Variants in COL14A1 observed in about 807,000 individuals in gnomAD.
COL14A1 encodes the protein collagen type XIV alpha 1 chain.
COL14A1 carries 136 observed loss-of-function variants against 230.3 expected under a neutral mutation model. That is an observed-to-expected ratio of 0.59 (90% CI 0.51 to 0.68). COL14A1 has a LOEUF of 0.68. Among genes scored for constraint, COL14A1 ranks in the 30% least tolerant of loss-of-function variants. COL14A1 has a pLI of 0.00. For synonymous variants in COL14A1, 792 were observed against 784.1 expected (o/e 1.01, Z -0.17); for missense variants, 1,976 against 2,215.8 (o/e 0.89, Z 2.17).
chr8:120,186,470 C>G (rs2130662402), intron 5 of COL14A1, among the ~76,000 whole-genome samples: 1 of 152,318 alleles, frequency 6.6e-6, no homozygotes, highest in East Asian at 1.9e-4. Context: ...TTCAAAGCCC[C>G]TAAATGAATC....
At chr8:120,162,212 A>G (rs1390081981) in intron 3 of COL14A1, among the ~76,000 whole-genome samples, 4 of 152,216 alleles carry the variant, frequency 2.6e-5, no homozygotes, top group African/African-American at 7.2e-5. Flanking sequence ...CATATATACC[A>G]TTGTATGTAT....
At position 120,369,483 on chromosome 8, in the gene COL14A1, G is replaced by T. The variant is rs1443343865; in HGVS notation, c.5309G>T (p.Arg1770Ile). 1 of 1,557,268 alleles carries T rather than the reference G, an allele frequency of 6.4e-7. No individual in the cohort carries two copies. Among genetic ancestry groups the T allele is most frequent in the African/African-American group, 1.4e-5 (1 of 72,670 alleles). The change falls in exon 47 of 48, where the codon AGA becomes ATA. Residue 1770 changes from arginine to isoleucine, a missense_variant and splice_region_variant. Physicochemically the swap from Arg to Ile is moderately conservative, Grantham distance 97. This residue lies in a region of COL14A1 where 1,791 missense variants were observed against 2,019.5 expected (regional missense o/e 0.89). Coordinates refer to ENST00000297848, the MANE Select transcript of COL14A1 (RefSeq NM_021110.4). ...DPSSCSAYGV[R>I]APHPDQPEFT... ...TCATCATGTTCTGCCTATGGTGTGAGAGGTAAGTGTCACAAAAAGCCCCGC... is the reference window on the plus strand; with the variant it reads ...TCATCATGTTCTGCCTATGGTGTGATAGGTAAGTGTCACAAAAAGCCCCGC...
intron 1 of COL14A1, among the ~76,000 whole-genome samples, chr8:120,142,009 A>G (rs550996421): frequency 2.0e-5 from 3 of 152,296 alleles, no homozygotes; most frequent in Admixed American, 2.0e-4. Context: ...CTAGGATTAC[A>G]GGTGTGAGCT....
At chr8:120,348,241 A>AT (rs1822596171) in intron 45 of COL14A1, among the ~76,000 whole-genome samples, 1 of 148,688 alleles carries the variant, frequency 6.7e-6, no homozygotes, top group Non-Finnish European at 1.5e-5. Context: ...AAGCATATAT[A>AT]TATGTATATA....
chr8:120,228,624 G>A, intron 17 of COL14A1, 86 bp from the exon 18 acceptor site: 1 of 1,005,966 alleles, frequency 9.9e-7, no homozygotes, highest in South Asian at 1.3e-5. Flanking sequence ...GATAATATAG[G>A]TGAAATGTTC....
At chr8:120,159,439 T>C (rs962822151) in intron 3 of COL14A1, among the ~76,000 whole-genome samples, 6 of 152,096 alleles carry the variant, frequency 3.9e-5, no homozygotes, top group African/African-American at 1.4e-4. Flanking sequence ...AATACATATT[T>C]GTATAATATA....
At chr8:120,335,368 A>T (rs966991511) in intron 42 of COL14A1, among the ~76,000 whole-genome samples, 5 of 152,222 alleles carry the variant, frequency 3.3e-5, no homozygotes, top group African/African-American at 1.2e-4. Flanking sequence ...CCCTTGTGCC[A>T]TTGGTGCTTT....
chr8:120,326,572 G>T (rs749281183), intron 40 of COL14A1, among the ~76,000 whole-genome samples: 7 of 152,184 alleles, frequency 4.6e-5, no homozygotes, highest in Non-Finnish European at 7.4e-5. Flanking sequence ...AAAATGTGAA[G>T]ATCTTTAATT....
chr8:120,322,309 G>T (rs1289183737), intron 40 of COL14A1, among the ~76,000 whole-genome samples: 1 of 152,154 alleles, frequency 6.6e-6, no homozygotes, highest in African/African-American at 2.4e-5. Context: ...GATAGGTGCA[G>T]CAAACCACCA....
chr8:120,322,988 A>G (rs1821512073), intron 40 of COL14A1, among the ~76,000 whole-genome samples: 2 of 152,240 alleles, frequency 1.3e-5, no homozygotes, highest in South Asian at 4.1e-4. Context: ...ACTGCCTTCC[A>G]CAATGGTTGA....
intron 5 of COL14A1, among the ~76,000 whole-genome samples, chr8:120,178,159 C>T (rs1207257176): frequency 4.6e-5 from 7 of 152,024 alleles, no homozygotes; most frequent in South Asian, 2.1e-4. Context: ...TAGGTATACA[C>T]GTGGCATGGT....
chr8:120,298,617 A>ATATATATATG (rs1402046718), intron 35 of COL14A1, among the ~76,000 whole-genome samples: 1 of 115,354 alleles, frequency 8.7e-6, no homozygotes, highest in Non-Finnish European at 1.8e-5. Flanking sequence ...ATATATATAT[A>ATATATATATG]TATATATATA....
chr8:120,208,474 A>G (rs1387493773), intron 11 of COL14A1, 113 bp downstream of exon 11: 18 of 1,173,084 alleles, frequency 1.5e-5, no homozygotes, highest in African/African-American at 4.5e-5. Context: ...ATCGAATTCA[A>G]TCAAATTCAT....
chr8:120,201,688 C>T (rs926924348), intron 8 of COL14A1, among the ~76,000 whole-genome samples: 1 of 152,072 alleles, frequency 6.6e-6, no homozygotes, highest in Non-Finnish European at 1.5e-5. Context: ...AAACTTTAGA[C>T]CCTGTCCTAG....
intron 19 of COL14A1, among the ~76,000 whole-genome samples, chr8:120,235,649 C>T (rs532487726): frequency 2.6e-5 from 4 of 152,140 alleles, no homozygotes; most frequent in East Asian, 1.9e-4. Flanking sequence ...TATTTCTTGT[C>T]TTCTGCTAGC....
At chr8:120,137,570 C>T (rs1814755768) in intron 1 of COL14A1, among the ~76,000 whole-genome samples, 1 of 151,986 alleles carries the variant, frequency 6.6e-6, no homozygotes, top group South Asian at 2.1e-4. Context: ...AATCTTTCTT[C>T]TTTTTTATAT....
rs1034892501 is a variant in COL14A1 at position 120,167,200 on chromosome 8, A to G, written c.350-961A>G. 6.6e-5 allele frequency among the ~76,000 whole-genome samples: 10 copies of G among 152,246 alleles called. No homozygotes were observed. In the South Asian group the frequency reaches 1.9e-3, roughly 29 times the overall value. On this transcript the variant is annotated intron_variant, in intron 4 of 47. Transcript: ENST00000297848. ...GATCTCAAACCATTTCAGCAAAGGG[A>G]TGGAAGACAGTGGAAAGAAAGGGGA...
In COL14A1 at chr8:120,283,806, A is replaced by G. The variant is rs16893819; in HGVS notation, c.3967+28A>G. The G allele has an allele frequency of 0.16, 251,512 of 1,585,572 alleles. 21,725 individuals carry two copies. Among genetic ancestry groups the G allele is most frequent in the African/African-American group, 0.31 (23,248 of 73,846 alleles). On this transcript the variant is annotated intron_variant, in intron 32 of 47. Coordinates refer to ENST00000297848, the MANE Select transcript of COL14A1 (RefSeq NM_021110.4). ...AAGTATATTTATTGAGATCACATTC[A>G]CATATACATGTATGAGTAATGTATG...
chr8:120,124,496 C>T (rs142756932), upstream of COL14A1, among the ~76,000 whole-genome samples: 1 of 152,182 alleles, frequency 6.6e-6, no homozygotes, highest in Non-Finnish European at 1.5e-5. Context: ...TGAGGTACAA[C>T]CACACGAAAT....
Sources: allele counts gnomAD v4.1 joint callset (sites outside exome capture counted in the v4.1 genomes callset), GRCh38; gene constraint gnomAD v4.1.1; regional missense constraint gnomAD v4.1.1; transcripts MANE v1.5; gene names NCBI Gene and HGNC (gene_info 2026-07-23, HGNC 2026-07-21).